FSTL4: variants seen among roughly 807,000 people sequenced by gnomAD.
The protein encoded by FSTL4 is follistatin-related protein 4.
A neutral mutation model predicts 78.2 loss-of-function variants in FSTL4; 28 were observed. That is an observed-to-expected ratio of 0.36 (90% CI 0.27 to 0.49). FSTL4 has a LOEUF of 0.49. FSTL4 is among the 20% of genes least tolerant of loss of function. FSTL4 has a pLI of 0.98. For synonymous variants in FSTL4, 422 were observed against 440.5 expected, an observed-to-expected ratio of 0.96 and a Z score of 0.53; for missense variants, 922 against 1,084.9, an observed-to-expected ratio of 0.85 and a Z score of 2.11.
chr5:133,807,789 T>G, the FSTL4 span, among the ~76,000 whole-genome samples: 1 of 152,328 alleles, frequency 6.6e-6, no homozygotes, highest in South Asian at 2.1e-4. Flanking sequence ...GAGACCCAAG[T>G]CACACATCTA....
chr5:133,204,548 CT>C (rs1750431487), intron 14 of FSTL4, among the ~76,000 whole-genome samples: 1 of 152,052 alleles, frequency 6.6e-6, no homozygotes, highest in African/African-American at 2.4e-5. Context: ...TACTCTTTCA[CT>C]GGCCAGGCAT....
At chr5:133,590,931 C>T (rs1760610965) in intron 2 of FSTL4, among the ~76,000 whole-genome samples, 1 of 152,178 alleles carries the variant, frequency 6.6e-6, no homozygotes, top group Non-Finnish European at 1.5e-5. Context: ...TCAAGCCCTT[C>T]TGTAATCGGC....
chr5:133,571,508 T>G (rs557110269), intron 2 of FSTL4, among the ~76,000 whole-genome samples: 1 of 152,324 alleles, frequency 6.6e-6, no homozygotes, highest in South Asian at 2.1e-4. Flanking sequence ...AGAATAACTA[T>G]GGCTAATATG....
chr5:133,642,856 G>A, the FSTL4 span, among the ~76,000 whole-genome samples: 3 of 152,198 alleles, frequency 2.0e-5, no homozygotes, highest in Admixed American at 1.3e-4. Context: ...AATCACAGGG[G>A]TATTACAAGG....
chr5:133,819,942 C>A, the FSTL4 span, among the ~76,000 whole-genome samples: 1 of 152,162 alleles, frequency 6.6e-6, no homozygotes, highest in African/African-American at 2.4e-5. Flanking sequence ...GTTTCAGCTC[C>A]ATTTTTCACA....
chr5:133,582,398 G>C (rs1209007177), intron 2 of FSTL4, among the ~76,000 whole-genome samples: 1 of 152,200 alleles, frequency 6.6e-6, no homozygotes, highest in Admixed American at 6.5e-5. Flanking sequence ...TGAGAGCTGA[G>C]AGAGGAGGGC....
the FSTL4 span, among the ~76,000 whole-genome samples, chr5:133,839,530 T>G: frequency 7.1e-6 from 1 of 140,872 alleles, no homozygotes. Flanking sequence ...AGAAAGTGGG[T>G]TGAGGGGCTA....
chr5:133,719,394 G>A, the FSTL4 span, among the ~76,000 whole-genome samples: 37 of 152,134 alleles, frequency 2.4e-4, no homozygotes, highest in African/African-American at 8.7e-4. Flanking sequence ...TTGAGGCCAG[G>A]CGCGATGGCT....
chr5:133,238,986 G>A (rs577110573), intron 7 of FSTL4, among the ~76,000 whole-genome samples: 80 of 152,340 alleles, frequency 5.3e-4, no homozygotes, highest in Middle Eastern at 3.4e-3. Flanking sequence ...GCCGGGAGGT[G>A]TGGAGAGGCG....
At chr5:133,327,774 T>G (rs898588705) in intron 4 of FSTL4, among the ~76,000 whole-genome samples, 6 of 152,116 alleles carry the variant, frequency 3.9e-5, no homozygotes, top group African/African-American at 1.4e-4. Context: ...GCTGAAAGGG[T>G]TGGTTCTCTC....
chr5:133,461,538 T>A (rs900060399), intron 3 of FSTL4, among the ~76,000 whole-genome samples: 3 of 137,544 alleles, frequency 2.2e-5, no homozygotes, highest in African/African-American at 9.2e-5. Flanking sequence ...TGATTTTTAC[T>A]CCCTAAACAA....
At chr5:133,328,843 C>A (rs1276518058) in intron 4 of FSTL4, among the ~76,000 whole-genome samples, 1 of 152,186 alleles carries the variant, frequency 6.6e-6, no homozygotes. Flanking sequence ...GTTTCCAAGA[C>A]TTCCTTGGGA....
intron 3 of FSTL4, among the ~76,000 whole-genome samples, chr5:133,445,565 T>C (rs1757247538): frequency 6.6e-6 from 1 of 152,158 alleles, no homozygotes; most frequent in South Asian, 2.1e-4. Context: ...CAAGGATCCT[T>C]GTGGAACCTG....
At chr5:133,732,565 A>T in the FSTL4 span, among the ~76,000 whole-genome samples, 1 of 152,174 alleles carries the variant, frequency 6.6e-6, no homozygotes, top group East Asian at 1.9e-4. Context: ...CACCCAGCGA[A>T]AACTACCATC....
the FSTL4 span, among the ~76,000 whole-genome samples, chr5:133,676,830 A>G: frequency 2.6e-5 from 4 of 152,216 alleles, no homozygotes; most frequent in Admixed American, 6.5e-5. Context: ...GAAAAAATGT[A>G]TATTTCTTTA....
At chr5:133,335,211 G>T (rs573175800) in intron 4 of FSTL4, among the ~76,000 whole-genome samples, 4 of 152,276 alleles carry the variant, frequency 2.6e-5, no homozygotes, top group East Asian at 3.9e-4. Context: ...TTTGTCATGG[G>T]CCCTGACATA....
chr5:133,594,913 T>C (rs1760710085), intron 2 of FSTL4, among the ~76,000 whole-genome samples: 1 of 152,258 alleles, frequency 6.6e-6, no homozygotes, highest in African/African-American at 2.4e-5. Context: ...AGGAGTCTTA[T>C]ACCTACTTAA....
At chr5:133,701,059 A>G in the FSTL4 span, among the ~76,000 whole-genome samples, 6 of 152,174 alleles carry the variant, frequency 3.9e-5, no homozygotes, top group Admixed American at 1.3e-4. Context: ...ACAACTGTCC[A>G]GGGTTGACCA....
the FSTL4 span, among the ~76,000 whole-genome samples, chr5:133,702,216 G>A: frequency 3.3e-5 from 5 of 152,026 alleles, no homozygotes; most frequent in Admixed American, 1.3e-4. Context: ...TCACACATTC[G>A]GCATCAAACC....
Sources: gnomAD v4.1 joint callset for allele counts (sites outside exome capture counted in the v4.1 genomes callset) on GRCh38, gnomAD v4.1.1 for gene constraint, MANE v1.5 for transcripts, NCBI Gene and HGNC (gene_info 2026-07-23, HGNC 2026-07-21) for gene names.